Variants in SCARA5 observed in about 807,000 individuals in gnomAD.
The protein encoded by SCARA5 is scavenger receptor class A, member 5 (putative).
A neutral mutation model predicts 46.3 loss-of-function variants in SCARA5; 45 were observed. That is an observed-to-expected ratio of 0.97 (90% CI 0.76 to 1.24). SCARA5 has a LOEUF of 1.24. Ranked by LOEUF, SCARA5 falls within the 50% of genes most tolerant of loss-of-function variation. SCARA5 has a pLI of 0.00. For synonymous variants in SCARA5, 333 were observed against 306.5 expected (o/e 1.09, Z -0.90); for missense variants, 680 against 689.0 (o/e 0.99, Z 0.15).
At chr8:27,931,171 A>G (rs563758090) in intron 3 of SCARA5, among the ~76,000 whole-genome samples, 7 of 152,352 alleles carry the variant, frequency 4.6e-5, no homozygotes, top group Admixed American at 2.0e-4. Context: ...ACAGGAAACA[A>G]TTAGGGTTTC....
intron 2 of SCARA5, among the ~76,000 whole-genome samples, chr8:27,968,894 C>A (rs4236677): frequency 0.28 from 42,333 of 152,152 alleles, 6,246 homozygotes; most frequent in Admixed American, 0.37. Flanking sequence ...TAATAGCAAG[C>A]ACCTACTTGT....
At chr8:27,981,383 G>GA (rs1435206179) in intron 2 of SCARA5, among the ~76,000 whole-genome samples, 1 of 152,200 alleles carries the variant, frequency 6.6e-6, no homozygotes, top group Non-Finnish European at 1.5e-5. Context: ...CCTGGAAGGG[G>GA]AAAAGCCCAG....
At chr8:27,937,877 C>T (rs948038730) in intron 3 of SCARA5, among the ~76,000 whole-genome samples, 4 of 152,186 alleles carry the variant, frequency 2.6e-5, no homozygotes, top group Non-Finnish European at 5.9e-5. Context: ...TCAGGGCTCA[C>T]CCTAATGGCC....
At chr8:27,980,691 C>T (rs1015208764) in intron 2 of SCARA5, among the ~76,000 whole-genome samples, 1 of 152,230 alleles carries the variant, frequency 6.6e-6, no homozygotes, top group Admixed American at 6.5e-5. Context: ...TGGTAGCAAA[C>T]CTCAGGGGGC....
At position 27,922,256 on chromosome 8, in the gene SCARA5, G is replaced by C; in HGVS notation, c.242-11C>G. ...TGCGCGGCCTGGACACTGCGGAGGA[G>C]GAAGAGGGGAGACTTGAGCACCGCT... On this transcript the variant is annotated splice_polypyrimidine_tract_variant and intron_variant, in intron 3 of 8. Coordinates refer to ENST00000354914, the MANE Select transcript of SCARA5 (RefSeq NM_173833.6). The C allele has an allele frequency of 6.6e-7, 1 of 1,505,990 alleles. No individual in the cohort carries two copies. Among genetic ancestry groups the C allele is most frequent in the Admixed American group, 2.2e-5 (1 of 45,728 alleles). The allele number at this position is 1,505,990 out of a possible 1,614,324, so 93.3% of individuals were successfully genotyped here. A position where few individuals can be genotyped will look rare whatever the true frequency, so the allele number is the denominator to read the frequency against.
intron 3 of SCARA5, among the ~76,000 whole-genome samples, chr8:27,959,179 G>T (rs185458016): frequency 5.9e-5 from 9 of 152,292 alleles, no homozygotes; most frequent in African/African-American, 2.2e-4. Context: ...GTTGCAATGA[G>T]CTGAGATTGC....
At chr8:27,964,478 C>G (rs1389747397) in intron 3 of SCARA5, among the ~76,000 whole-genome samples, 1 of 152,154 alleles carries the variant, frequency 6.6e-6, no homozygotes, top group African/African-American at 2.4e-5. Flanking sequence ...ATGTTCCACC[C>G]TCCTTTCTGA....
intron 4 of SCARA5, among the ~76,000 whole-genome samples, chr8:27,921,150 A>G (rs1298546311): frequency 1.3e-5 from 2 of 152,138 alleles, no homozygotes; most frequent in Admixed American, 1.3e-4. Context: ...CCAGATCTCC[A>G]CCCTGGGAAT....
Position 27,871,694 on chromosome 8 carries a change from CA to C in SCARA5, c.*239del. 1.4e-6 allele frequency: 2 copies of C among 1,381,998 alleles called. No homozygotes were observed. The highest frequency in any genetic ancestry group is 1.9e-6 in the Non-Finnish European group (2 of 1,067,420). The allele number at this position is 1,381,998 out of a possible 1,614,324, so 85.6% of individuals were successfully genotyped here. A position where few individuals can be genotyped will look rare whatever the true frequency, so the allele number is the denominator to read the frequency against. On this transcript the variant is annotated 3_prime_UTR_variant, in exon 9 of 9. Coordinates refer to ENST00000354914, the MANE Select transcript of SCARA5 (RefSeq NM_173833.6). The stretch of plus-strand genomic sequence containing the variant: ...GGTGATCCAGTTGATCAGGGCTCCT[CA>C]TGCAGGAACCTGGTGGAAGAGAGAG...
intron 1 of SCARA5, among the ~76,000 whole-genome samples, chr8:27,989,840 C>T (rs1419333267): frequency 1.3e-5 from 2 of 152,224 alleles, no homozygotes; most frequent in Non-Finnish European, 2.9e-5. Flanking sequence ...CGGGCAGCTC[C>T]AGCACTGCTA....
intron 2 of SCARA5, among the ~76,000 whole-genome samples, chr8:27,982,022 T>A (rs13250832): frequency 0.52 from 78,830 of 151,926 alleles, 21,076 homozygotes; most frequent in Middle Eastern, 0.62. Flanking sequence ...GAGGAGGATA[T>A]TTTCATTTTA....
At chr8:27,985,440 C>T (rs570517170) in intron 2 of SCARA5, among the ~76,000 whole-genome samples, 5 of 152,240 alleles carry the variant, frequency 3.3e-5, no homozygotes, top group South Asian at 2.1e-4. Flanking sequence ...TGTCAGCACC[C>T]GAGTTTTCAC....
intron 1 of SCARA5, among the ~76,000 whole-genome samples, chr8:27,991,579 C>T (rs1223566698): frequency 6.6e-6 from 1 of 152,188 alleles, no homozygotes; most frequent in Non-Finnish European, 1.5e-5. Context: ...AAGTCAGTTT[C>T]TCTGGGTACC....
chr8:27,904,435 G>T (rs2129747515), intron 7 of SCARA5: 2 of 462,544 alleles, frequency 4.3e-6, no homozygotes, highest in South Asian at 6.3e-5. Context: ...TTTTCACAAT[G>T]ACCTTATAAG....
rs149174263 is a variant in SCARA5, at chr8:27,930,621, C to A, written c.242-8376G>T. ...TTCTCCATGTTGGTCAGGCTGGTCT[C>A]GAACTCCGGACCTCAGGTGATCCGC... On this transcript the variant is annotated intron_variant, in intron 3 of 8. Transcript: ENST00000354914. 5.7e-3 allele frequency among the ~76,000 whole-genome samples: 870 copies of A among 152,204 alleles called. 13 individuals are homozygous for A. Among genetic ancestry groups the A allele is most frequent in the African/African-American group, 0.019 (795 of 41,528 alleles).
At chr8:27,934,164 T>C (rs1807819985) in intron 3 of SCARA5, among the ~76,000 whole-genome samples, 1 of 152,100 alleles carries the variant, frequency 6.6e-6, no homozygotes, top group Non-Finnish European at 1.5e-5. Context: ...TTAGAGCTGG[T>C]AGGTGCTGAG....
chr8:27,878,079 G>A (rs1018783345), intron 8 of SCARA5, among the ~76,000 whole-genome samples: 3 of 152,204 alleles, frequency 2.0e-5, no homozygotes, highest in Non-Finnish European at 2.9e-5. Context: ...CAGCAGGTAC[G>A]CCCGGCTCCA....
chr8:27,916,910 G>A (rs534237083), intron 4 of SCARA5, among the ~76,000 whole-genome samples: 1 of 152,284 alleles, frequency 6.6e-6, no homozygotes, highest in African/African-American at 2.4e-5. Context: ...CAGGGCCTTT[G>A]AGAAGTGATG....
intron 3 of SCARA5, among the ~76,000 whole-genome samples, chr8:27,938,568 C>A (rs1807892413): frequency 6.6e-6 from 1 of 152,188 alleles, no homozygotes; most frequent in East Asian, 1.9e-4. Flanking sequence ...TGTTCACTGA[C>A]TTTCCCAGAC....
Sources: gnomAD v4.1 joint callset for allele counts (sites outside exome capture counted in the v4.1 genomes callset) on GRCh38, gnomAD v4.1.1 for gene constraint, MANE v1.5 for transcripts, NCBI Gene and HGNC (gene_info 2026-07-23, HGNC 2026-07-21) for gene names.